CFAP95: variants seen among roughly 807,000 people sequenced by gnomAD.
CFAP95 encodes the protein cilia- and flagella-associated protein 95.
the CFAP95 span, among the ~76,000 whole-genome samples, chr9:69,896,560 T>C: frequency 1.3e-5 from 2 of 152,232 alleles, no homozygotes. Context: ...TTAATATCTG[T>C]ATTTGTTACA....
the CFAP95 span, among the ~76,000 whole-genome samples, chr9:69,861,477 A>G: frequency 6.6e-6 from 1 of 152,034 alleles, no homozygotes; most frequent in Non-Finnish European, 1.5e-5. Flanking sequence ...TGTGTTTTTG[A>G]TTAAGGACTC....
the CFAP95 span, among the ~76,000 whole-genome samples, chr9:69,867,457 A>G: frequency 6.6e-6 from 1 of 152,130 alleles, no homozygotes; most frequent in Non-Finnish European, 1.5e-5. Context: ...AGGCCCTAAA[A>G]CTAGCATTAT....
the CFAP95 span, among the ~76,000 whole-genome samples, chr9:69,832,511 C>G: frequency 6.6e-6 from 1 of 151,384 alleles, no homozygotes. Context: ...TCCTGCTGGA[C>G]TTTCAGGCAC....
chr9:69,888,233 C>T, the CFAP95 span, among the ~76,000 whole-genome samples: 1 of 152,024 alleles, frequency 6.6e-6, no homozygotes, highest in African/African-American at 2.4e-5. Context: ...GGTAGCATAA[C>T]CGATTTAGGG....
the CFAP95 span, among the ~76,000 whole-genome samples, chr9:69,876,443 G>A: frequency 1.3e-5 from 2 of 151,918 alleles, no homozygotes; most frequent in African/African-American, 2.4e-5. Flanking sequence ...TGAGGCAGGA[G>A]AATTGCTTGA....
chr9:69,867,016 A>G, the CFAP95 span, among the ~76,000 whole-genome samples: 36 of 152,066 alleles, frequency 2.4e-4, no homozygotes, highest in African/African-American at 8.4e-4. Context: ...CCTAAATGCA[A>G]TTTTTCTTTG....
chr9:69,885,604 G>T, the CFAP95 span, among the ~76,000 whole-genome samples: 1 of 152,054 alleles, frequency 6.6e-6, no homozygotes. Context: ...TTCCCTTTTG[G>T]GCTTGGCTAT....
At chr9:69,886,589 C>T in the CFAP95 span, among the ~76,000 whole-genome samples, 14 of 152,244 alleles carry the variant, frequency 9.2e-5, no homozygotes, top group African/African-American at 3.4e-4. Context: ...AGGCTTCAGA[C>T]ATCCACTTAG....
the CFAP95 span, among the ~76,000 whole-genome samples, chr9:69,845,112 A>C: frequency 6.6e-6 from 1 of 152,206 alleles, no homozygotes; most frequent in Non-Finnish European, 1.5e-5. Context: ...TGCTTATCTT[A>C]AGCTGGTGGA....
the CFAP95 span, chr9:69,884,408 G>A: frequency 2.6e-5 from 4 of 152,142 alleles, no homozygotes; most frequent in Non-Finnish European, 4.4e-5. Flanking sequence ...GAGTACAGGT[G>A]CAAGCTACTG....
At chr9:69,862,212 T>A in the CFAP95 span, among the ~76,000 whole-genome samples, 1 of 152,328 alleles carries the variant, frequency 6.6e-6, no homozygotes, top group East Asian at 1.9e-4. Context: ...TTCTATCTTA[T>A]TTGATTTAGG....
chr9:69,901,142 GT>G, the CFAP95 span, among the ~76,000 whole-genome samples: 67 of 142,688 alleles, frequency 4.7e-4, no homozygotes, highest in Middle Eastern at 3.6e-3. Context: ...TTTGGTTTTG[GT>G]TTTTTTTTTT....
At chr9:69,833,262 C>T in the CFAP95 span, among the ~76,000 whole-genome samples, 9 of 152,192 alleles carry the variant, frequency 5.9e-5, no homozygotes, top group Non-Finnish European at 1.3e-4. Flanking sequence ...GGGCATTTCA[C>T]ATAAATGGAA....
chr9:69,869,594 T>C, the CFAP95 span, among the ~76,000 whole-genome samples: 1 of 152,172 alleles, frequency 6.6e-6, no homozygotes, highest in Admixed American at 6.5e-5. Flanking sequence ...AGAAAGTAGG[T>C]CTGAATTGTT....
the CFAP95 span, among the ~76,000 whole-genome samples, chr9:69,880,675 C>T: frequency 3.2e-3 from 492 of 152,280 alleles, 5 homozygotes; most frequent in African/African-American, 0.011. Flanking sequence ...CATATATACC[C>T]AGCAGTGGGA....
At chr9:69,832,059 G>T in the CFAP95 span, among the ~76,000 whole-genome samples, 1 of 152,090 alleles carries the variant, frequency 6.6e-6, no homozygotes, top group South Asian at 2.1e-4. Flanking sequence ...TTATAACAAG[G>T]GTGTGAACAG....
the CFAP95 span, among the ~76,000 whole-genome samples, chr9:69,898,355 G>A: frequency 2.0e-5 from 3 of 152,110 alleles, no homozygotes; most frequent in Non-Finnish European, 4.4e-5. Flanking sequence ...TTGTGCCCCA[G>A]ATCCCTGCAC....
At chr9:69,858,236 T>C in the CFAP95 span, 1 of 459,972 alleles carries the variant, frequency 2.2e-6, no homozygotes, top group African/African-American at 2.0e-5. Context: ...TACCTATTTG[T>C]ATCCCACAAG....
chr9:69,885,052 G>A, the CFAP95 span: 1 of 152,120 alleles, frequency 6.6e-6, no homozygotes, highest in Non-Finnish European at 1.5e-5. Flanking sequence ...TCTGTTCCCA[G>A]GTACTGCTGC....
Sources: allele counts gnomAD v4.1 joint callset (sites outside exome capture counted in the v4.1 genomes callset), GRCh38; gene constraint gnomAD v4.1.1; transcripts MANE v1.5; gene names NCBI Gene and HGNC (gene_info 2026-07-23, HGNC 2026-07-21).